DNAAF11: variants seen among roughly 807,000 people sequenced by gnomAD.
DNAAF11 encodes the protein leucine rich repeat containing 6.
A neutral mutation model predicts 60.8 loss-of-function variants in DNAAF11; 45 were observed. That is an observed-to-expected ratio of 0.74 (90% confidence interval 0.58 to 0.95). The LOEUF (loss-of-function observed/expected upper bound fraction) is 0.95, where lower values mean the gene tolerates loss of function less well. DNAAF11 is among the 40% of genes least tolerant of loss of function. The pLI is 0.00. For missense variants in DNAAF11, 546 were observed against 546.2 expected (o/e 1.00, Z 0.00); for synonymous variants, 191 against 183.5 (o/e 1.04, Z -0.33).
chr8:132,604,247 T>G (rs896660833), intron 10 of DNAAF11, among the ~76,000 whole-genome samples: 1 of 152,168 alleles, frequency 6.6e-6, no homozygotes, highest in African/African-American at 2.4e-5. Flanking sequence ...ACCAGTATAT[T>G]TGAGCAGAGA....
At chr8:132,653,217 G>C (rs1253004550) in intron 3 of DNAAF11, among the ~76,000 whole-genome samples, 1 of 152,162 alleles carries the variant, frequency 6.6e-6, no homozygotes, top group Non-Finnish European at 1.5e-5. Flanking sequence ...TGGATGGATA[G>C]ATGGAAGAAG....
Position 132,637,979 on chromosome 8 carries a change from C to A in DNAAF11, c.385G>T (p.Asp129Tyr). 6.2e-7 allele frequency: 1 copy of A among 1,614,040 alleles called. No individual in the cohort carries two copies. Among genetic ancestry groups the A allele is most frequent in the Non-Finnish European group, 8.5e-7 (1 of 1,179,956 alleles). ...FLMGNPCASF[D>Y]HYREFVVATL... ...GCTACCACGAACTCCCTATAGTGGT[C>A]AAAGGAAGCACATGGGTTCCCCATG... is the stretch of plus-strand genomic sequence containing the variant. The change falls in exon 4 of 12, where the codon GAC becomes TAC. Residue 129 changes from aspartate to tyrosine, a missense_variant. Coordinates refer to ENST00000620350, the MANE Select transcript of DNAAF11 (RefSeq NM_012472.6).
At chr8:132,584,475 ACACAC>A (rs1815671191) in intron 10 of DNAAF11, among the ~76,000 whole-genome samples, 1 of 152,154 alleles carries the variant, frequency 6.6e-6, no homozygotes, top group Admixed American at 6.5e-5. Flanking sequence ...CGTGCTAGGC[ACACAC>A]CTACCAATAT....
At chr8:132,615,435 T>C (rs865944329) in intron 7 of DNAAF11, among the ~76,000 whole-genome samples, 3 of 152,226 alleles carry the variant, frequency 2.0e-5, no homozygotes, top group African/African-American at 4.8e-5. Flanking sequence ...AACTAAAACA[T>C]TGGAATTATT....
intron 3 of DNAAF11, among the ~76,000 whole-genome samples, chr8:132,647,965 TTCCAA>T (rs1342042160): frequency 6.6e-6 from 1 of 152,172 alleles, no homozygotes; most frequent in Non-Finnish European, 1.5e-5. Context: ...TCTGAAACTA[TTCCAA>T]TCAACAGAAG....
chr8:132,680,433 G>A (rs978868558), upstream of DNAAF11, among the ~76,000 whole-genome samples: 4 of 151,982 alleles, frequency 2.6e-5, no homozygotes, highest in African/African-American at 7.3e-5. Context: ...CTTCTTTTAT[G>A]CTGGATAAAT....
intron 10 of DNAAF11, among the ~76,000 whole-genome samples, chr8:132,587,973 C>T (rs1816074593): frequency 6.6e-6 from 1 of 152,092 alleles, no homozygotes; most frequent in African/African-American, 2.4e-5. Flanking sequence ...CGAGGCAGCA[C>T]CTGCATTGAG....
intron 10 of DNAAF11, among the ~76,000 whole-genome samples, chr8:132,602,768 T>TATATATAC (rs1491214082): frequency 1.3e-3 from 196 of 146,710 alleles, no homozygotes; most frequent in Admixed American, 4.7e-3. Flanking sequence ...TATATATATA[T>TATATATAC]ACACACAGCA....
At chr8:132,626,718 T>C (rs963289495) in intron 5 of DNAAF11, among the ~76,000 whole-genome samples, 1 of 152,134 alleles carries the variant, frequency 6.6e-6, no homozygotes, top group Admixed American at 6.5e-5. Context: ...CTCCCTAGAA[T>C]AGACACTTTA....
chr8:132,601,911 T>TA (rs1278136207), intron 10 of DNAAF11, among the ~76,000 whole-genome samples: 1 of 152,084 alleles, frequency 6.6e-6, no homozygotes, highest in African/African-American at 2.4e-5. Flanking sequence ...CCCTAGAACT[T>TA]AAAGTATAAT....
intron 11 of DNAAF11, among the ~76,000 whole-genome samples, chr8:132,575,980 C>T (rs1814704556): frequency 6.6e-6 from 1 of 152,154 alleles, no homozygotes; most frequent in African/African-American, 2.4e-5. Context: ...AGTGCCGGTG[C>T]CACGACTCTT....
chr8:132,677,057 CTT>C (rs1053489811), upstream of DNAAF11, among the ~76,000 whole-genome samples: 1 of 152,164 alleles, frequency 6.6e-6, no homozygotes, highest in Non-Finnish European at 1.5e-5. Context: ...AAAGCTGAAA[CTT>C]CTCTATTTCC....
chr8:132,648,446 G>C (rs1479503229), intron 3 of DNAAF11, among the ~76,000 whole-genome samples: 1 of 152,050 alleles, frequency 6.6e-6, no homozygotes, highest in African/African-American at 2.4e-5. Flanking sequence ...TTGAAAACTG[G>C]CACAAGACAG....
intron 7 of DNAAF11, among the ~76,000 whole-genome samples, chr8:132,620,201 G>A (rs1191958925): frequency 6.6e-6 from 1 of 152,092 alleles, no homozygotes; most frequent in East Asian, 1.9e-4. Flanking sequence ...GTCTCCTCCA[G>A]CCACACAGGA....
chr8:132,676,168 C>G (rs184950971), upstream of DNAAF11, among the ~76,000 whole-genome samples: 2 of 152,222 alleles, frequency 1.3e-5, no homozygotes, highest in South Asian at 2.1e-4. Flanking sequence ...CCCATTACCC[C>G]CTCCATCAAT....
intron 10 of DNAAF11, among the ~76,000 whole-genome samples, chr8:132,586,780 T>C (rs1815947419): frequency 1.3e-5 from 2 of 152,170 alleles, no homozygotes; most frequent in Admixed American, 6.5e-5. Flanking sequence ...GAGACCTTTG[T>C]TGGTCCTGCA....
chr8:132,656,083 A>C (rs1036007949), intron 3 of DNAAF11, among the ~76,000 whole-genome samples: 66 of 152,372 alleles, frequency 4.3e-4, no homozygotes, highest in African/African-American at 1.5e-3. Context: ...TTATAGCAAA[A>C]TGCTGGAACG....
intron 10 of DNAAF11, among the ~76,000 whole-genome samples, chr8:132,598,769 A>G (rs1397178965): frequency 6.6e-6 from 1 of 152,234 alleles, no homozygotes. Flanking sequence ...GGACACATTT[A>G]AAGCAGTGTG....
intron 1 of DNAAF11, among the ~76,000 whole-genome samples, chr8:132,674,027 G>T (rs1180685042): frequency 2.0e-5 from 3 of 151,714 alleles, no homozygotes; most frequent in African/African-American, 7.3e-5. Context: ...AGGAGAAGGA[G>T]CAGGAGGAGC....
Sources: gnomAD v4.1 joint callset for allele counts (sites outside exome capture counted in the v4.1 genomes callset) on GRCh38, gnomAD v4.1.1 for gene constraint, MANE v1.5 for transcripts, NCBI Gene and HGNC (gene_info 2026-07-23, HGNC 2026-07-21) for gene names.